INPP5A: variants seen among roughly 807,000 people sequenced by gnomAD.
INPP5A encodes inositol polyphosphate-5-phosphatase A.
Under a neutral mutation model 65.2 loss-of-function variants are expected in INPP5A, and 14 were observed. The ratio of observed to expected loss-of-function variants is 0.21; its 90% CI spans 0.14 to 0.34. INPP5A has a LOEUF of 0.34. Among genes scored for constraint, INPP5A ranks in the 10% least tolerant of loss-of-function variants. INPP5A has a pLI of 1.00. For synonymous variants in INPP5A, 207 were observed against 208.3 expected (o/e 0.99, Z 0.05); for missense variants, 431 against 545.6 (o/e 0.79, Z 2.09).
At chr10:132,709,875 C>T (rs539248857) in intron 7 of INPP5A, among the ~76,000 whole-genome samples, 53 of 152,326 alleles carry the variant, frequency 3.5e-4, no homozygotes, top group African/African-American at 1.1e-3. Context: ...GGCCCACAGC[C>T]GGCCCACGGG....
Position 132,663,873 on chromosome 10 carries a change from G to GT in INPP5A, c.306+13369dup, listed in dbSNP as rs1441424440. Among the ~76,000 whole-genome samples the GT allele has an allele frequency of 3.3e-5, 5 of 152,218 alleles. No homozygotes were observed. The highest frequency in any genetic ancestry group is 7.3e-5 in the Non-Finnish European group (5 of 68,042). ...CCCCCTGTCGCCGGGTGGGAAATCC[G>GT]TAACAGGCTCTGTGGCAAAGGCTGG... On this transcript the variant is annotated intron_variant, in intron 4 of 15. Coordinates refer to ENST00000368594, the MANE Select transcript of INPP5A (RefSeq NM_005539.5). This position sits in a 1 kb window ranked among gnomAD's most constrained non-coding sequence, Gnocchi z 4.5.
intron 9 of INPP5A, among the ~76,000 whole-genome samples, chr10:132,748,449 C>T (rs1846411790): frequency 6.6e-6 from 1 of 152,204 alleles, no homozygotes; most frequent in East Asian, 1.9e-4. Flanking sequence ...TTCTTGTTTT[C>T]ATGACTTCTG....
chr10:132,730,597 C>T (rs181378709), intron 9 of INPP5A, among the ~76,000 whole-genome samples: 13 of 152,312 alleles, frequency 8.5e-5, no homozygotes, highest in African/African-American at 1.9e-4. Context: ...GCCATCGAAG[C>T]GTCAGAGGTG....
At chr10:132,617,269 C>T (rs748836872) in intron 2 of INPP5A, among the ~76,000 whole-genome samples, 2 of 152,144 alleles carry the variant, frequency 1.3e-5, no homozygotes, top group Non-Finnish European at 2.9e-5. Context: ...AGACAGTCCC[C>T]GCCCTTCAGA....
intron 4 of INPP5A, among the ~76,000 whole-genome samples, chr10:132,683,130 C>T (rs1427705531): frequency 2.1e-5 from 3 of 146,138 alleles, no homozygotes; most frequent in Non-Finnish European, 3.0e-5. Context: ...ACGTGTCTGC[C>T]GTGACCCAGC....
At chr10:132,649,732 C>T (rs1167486096) in intron 3 of INPP5A, among the ~76,000 whole-genome samples, 2 of 152,164 alleles carry the variant, frequency 1.3e-5, no homozygotes, top group Non-Finnish European at 2.9e-5. Context: ...TGTGGAGGGG[C>T]CAGGCAGACG....
intron 12 of INPP5A, among the ~76,000 whole-genome samples, chr10:132,768,127 G>A (rs1396075297): frequency 1.4e-5 from 2 of 139,462 alleles, no homozygotes; most frequent in African/African-American, 2.7e-5. Context: ...GGGTGCCCAC[G>A]TGCCCATTGG....
chr10:132,776,077 G>A (rs1847058957), intron 12 of INPP5A, among the ~76,000 whole-genome samples: 1 of 152,168 alleles, frequency 6.6e-6, no homozygotes, highest in Admixed American at 6.5e-5. Context: ...CGTGTCCGCG[G>A]TTGGGATCAG....
At chr10:132,661,589 G>A (rs1453475305) in intron 4 of INPP5A, among the ~76,000 whole-genome samples, 1 of 152,076 alleles carries the variant, frequency 6.6e-6, no homozygotes, top group East Asian at 1.9e-4. Context: ...ACTCAATCTT[G>A]TTAAGATGTC....
Position 132,704,622 on chromosome 10 carries a change from A to G in INPP5A, c.475-3691A>G, listed in dbSNP as rs899549324. 2.0e-5 allele frequency among the ~76,000 whole-genome samples: 3 copies of G among 152,292 alleles called. No homozygotes were observed. The highest frequency in any genetic ancestry group is 2.1e-4 in the South Asian group (1 of 4,824). The stretch of plus-strand genomic sequence containing the variant: ...CAGTCCTGTCTTACCCACTGCCTTG[A>G]GGCCCTGGGTGCTGCTGGTGTGGAT... On this transcript the variant is annotated intron_variant, in intron 6 of 15. Coordinates refer to ENST00000368594, the MANE Select transcript of INPP5A (RefSeq NM_005539.5). This position sits in a 1 kb window ranked among gnomAD's most constrained non-coding sequence, Gnocchi z 4.5.
chr10:132,682,632 C>A (rs954417518), intron 4 of INPP5A, among the ~76,000 whole-genome samples: 2 of 152,242 alleles, frequency 1.3e-5, no homozygotes, highest in Non-Finnish European at 2.9e-5. Context: ...CCTGGGAGGG[C>A]ATGTGTCTGT....
intron 8 of INPP5A, among the ~76,000 whole-genome samples, chr10:132,716,658 C>T (rs1285524996): frequency 6.6e-6 from 1 of 152,224 alleles, no homozygotes; most frequent in Admixed American, 6.5e-5. Flanking sequence ...GCATCTCAGC[C>T]AGTTGTGTTT....
chr10:132,604,324 C>T (rs1392181200), intron 1 of INPP5A, among the ~76,000 whole-genome samples: 1 of 150,282 alleles, frequency 6.7e-6, no homozygotes, highest in African/African-American at 2.5e-5. Flanking sequence ...CTCTGGCGCG[C>T]CCTGTGCCAT....
At position 132,645,885 on chromosome 10, in the gene INPP5A, G is replaced by C. The variant is rs200768082; in HGVS notation, c.135G>C (p.Lys45Asn). Reference sequence around the variant, plus strand: ...CCCTCCAGGTCGTGCACACACACAAGCCGCACTTCATGGCCTTGCACTGTC... The same window carrying C: ...CCCTCCAGGTCGTGCACACACACAACCCGCACTTCATGGCCTTGCACTGTC... The part of the protein sequence containing the change: ...REFYQVVHTH[K>N]PHFMALHCQE... Residue 45 changes from lysine (K) to asparagine (N), a missense_variant, in exon 3 of 16, where the codon AAG becomes AAC. Coordinates refer to ENST00000368594, the MANE Select transcript of INPP5A (RefSeq NM_005539.5). 6.2e-7 allele frequency: 1 copy of C among 1,613,864 alleles called. No individual in the cohort carries two copies. The highest frequency in any genetic ancestry group is 8.5e-7 in the Non-Finnish European group (1 of 1,179,834).
intron 1 of INPP5A, among the ~76,000 whole-genome samples, chr10:132,566,168 G>T (rs1469140068): frequency 6.6e-6 from 1 of 152,120 alleles, no homozygotes; most frequent in East Asian, 1.9e-4. Context: ...TGAAAAAATT[G>T]GTATGTATGC....
In INPP5A at chr10:132,545,687, T is replaced by C. The variant is rs1564910979; in HGVS notation, c.75+7516T>C. ...CCCTTCCTTTGCTCGGTTTCATTAA[T>C]TGGGATACTTGGGAATCTCAGAGCC... On this transcript the variant is annotated intron_variant, in intron 1 of 15. Transcript: ENST00000368594. This position sits in a 1 kb window ranked among gnomAD's most constrained non-coding sequence, Gnocchi z 4.6. 6.6e-6 allele frequency among the ~76,000 whole-genome samples: 1 copy of C among 152,226 alleles called. No homozygotes were observed. Among genetic ancestry groups the C allele is most frequent in the Non-Finnish European group, 1.5e-5 (1 of 68,040 alleles).
rs2072765133 is a variant in INPP5A, at chr10:132,663,643, C to A, written c.306+13138C>A. 6.6e-6 allele frequency among the ~76,000 whole-genome samples: 1 copy of A among 152,230 alleles called. No homozygotes were observed. The highest frequency in any genetic ancestry group is 6.5e-5 in the Admixed American group (1 of 15,286). ...TCTCTGCACTCTGAGCCGGCAGGTG[C>A]CACTTCTAGCTTCTGGCTGGGGTTG... is the stretch of plus-strand genomic sequence containing the variant. On this transcript the variant is annotated intron_variant, in intron 4 of 15. Coordinates refer to ENST00000368594, the MANE Select transcript of INPP5A (RefSeq NM_005539.5). The surrounding 1 kb of genome is among the most constrained non-coding windows in gnomAD (Gnocchi z 4.5).
intron 11 of INPP5A, among the ~76,000 whole-genome samples, chr10:132,759,045 A>G (rs1321112976): frequency 6.6e-6 from 1 of 152,258 alleles, no homozygotes; most frequent in Non-Finnish European, 1.5e-5. Flanking sequence ...GAGGAGTTGC[A>G]GAGACTTTTC....
In INPP5A at chr10:132,637,575, C is replaced by T. The variant is rs1050646485; in HGVS notation, c.118-8293C>T. The stretch of plus-strand genomic sequence containing the variant: ...TGTTTTCTCTGTGCGATTTTGCTTT[C>T]TCAGTGGATTTTTCTGGTTTTGATG... On this transcript the variant is annotated intron_variant, in intron 2 of 15. Transcript: ENST00000368594. This position sits in a 1 kb window ranked among gnomAD's most constrained non-coding sequence, Gnocchi z 4.1. Among the ~76,000 whole-genome samples the T allele has an allele frequency of 1.3e-5, 2 of 152,138 alleles. No individual in the cohort carries two copies. Among genetic ancestry groups the T allele is most frequent in the Non-Finnish European group, 2.9e-5 (2 of 68,034 alleles).
Sources: gnomAD v4.1 joint callset for allele counts (sites outside exome capture counted in the v4.1 genomes callset) on GRCh38, gnomAD v4.1.1 for gene constraint, Gnocchi (gnomAD v3.1) non-coding constraint, MANE v1.5 for transcripts, NCBI Gene and HGNC (gene_info 2026-07-23, HGNC 2026-07-21) for gene names.